Variants in ANKRD36B observed in about 807,000 individuals in gnomAD.
ANKRD36B encodes ankyrin repeat domain-containing protein 36B.
ANKRD36B carries 37 observed loss-of-function variants against 135.7 expected under a neutral mutation model. That is an observed-to-expected ratio of 0.27 (90% CI 0.21 to 0.36). The LOEUF is 0.36. Ranked by LOEUF, ANKRD36B falls within the 10% of genes least tolerant of loss-of-function variation. The pLI, the probability that ANKRD36B is intolerant of heterozygous loss-of-function variation, is 1.00. For missense variants in ANKRD36B, 549 were observed against 1,037.1 expected (o/e 0.53, Z 6.46); for synonymous variants, 179 against 348.1 (o/e 0.51, Z 5.41).
chr2:97,554,930 G>C, intron 14 of ANKRD36B, 130 bp downstream of exon 14: 1 of 1,221,592 alleles, frequency 8.2e-7, no homozygotes, highest in Non-Finnish European at 1.2e-6. Flanking sequence ...ACTTATTACA[G>C]ATGAAGAATC....
intron 20 of ANKRD36B, among the ~76,000 whole-genome samples, chr2:97,549,187 C>T (rs2079789561): frequency 6.6e-6 from 1 of 151,898 alleles, no homozygotes; most frequent in Non-Finnish European, 1.5e-5. Context: ...CATATATCTT[C>T]TTCCCAACTT....
chr2:97,565,889 G>GTA lies in ANKRD36B; in HGVS notation c.764-5031_764-5030dup, dbSNP rs70938522. Among the ~76,000 whole-genome samples the GTA allele has an allele frequency of 6.1e-3, 897 of 146,276 alleles. 24 individuals carry two copies. The highest frequency in any genetic ancestry group is 0.048 in the East Asian group (242 of 4,998). ...GGTGTGTGTGTGTGTGTGTGTGTGT[G>GTA]TATATATATATATGTACAGTGGCTT... On this transcript the variant is annotated intron_variant, in intron 6 of 43. Coordinates refer to ENST00000359901, the MANE Select transcript of ANKRD36B (RefSeq NM_001393939.1).
chr2:97,585,567 G>T (rs3970378), intron 1 of ANKRD36B, among the ~76,000 whole-genome samples, 169 bp from the exon 2 acceptor site: 8 of 152,162 alleles, frequency 5.3e-5, no homozygotes, highest in African/African-American at 1.9e-4. Context: ...AATAGAAAAG[G>T]CTTGGCTTTT....
At chr2:97,550,625 G>C (rs1383369540) in intron 18 of ANKRD36B, among the ~76,000 whole-genome samples, 1 of 151,718 alleles carries the variant, frequency 6.6e-6, no homozygotes, top group Non-Finnish European at 1.5e-5. Flanking sequence ...ATGCCTAATA[G>C]TAACAAAGAG....
At chr2:97,539,977 G>T in intron 30 of ANKRD36B, 57 bp downstream of exon 30, 1 of 775,288 alleles carries the variant, frequency 1.3e-6, no homozygotes, top group South Asian at 1.4e-5. Context: ...ATTTGGGGAA[G>T]AGAAGTTCTT....
intron 6 of ANKRD36B, among the ~76,000 whole-genome samples, chr2:97,571,807 CTAAAAA>C (rs1300967405): frequency 1.3e-4 from 20 of 151,984 alleles, no homozygotes; most frequent in African/African-American, 3.9e-4. Context: ...TCTTATAAAA[CTAAAAA>C]TATCTATAAA....
rs2077636329 is a variant in ANKRD36B, at chr2:97,513,342, T to C, written c.2643A>G (p.Lys881=). 4 of 1,554,902 alleles carry C rather than the reference T, an allele frequency of 2.6e-6. 1 individual carries two copies. In the Admixed American group the frequency reaches 7.2e-5, roughly 28 times the overall value. ...CSLRFAIQQE[K]KKRRNVEELH... ...ACTCTTCAACATTTCTTCTTTTCTT[T>C]TTTTCTTGCTGTATGGCAAATCTGT... Residue 881 remains lysine (K), a synonymous_variant, in exon 38 of 44, where the codon AAA becomes AAG. Coordinates refer to ENST00000359901, the MANE Select transcript of ANKRD36B (RefSeq NM_001393939.1).
At position 97,558,956 on chromosome 2, in the gene ANKRD36B, C is replaced by T; in HGVS notation, c.894+10G>A. On this transcript the variant is annotated intron_variant, in intron 9 of 43. Transcript: ENST00000359901. ...TTAATAGTTCAACATATAAATGAGACTTTAATTACCTTCTCAGCTGGTTGT... is the reference window on the plus strand; with the variant it reads ...TTAATAGTTCAACATATAAATGAGATTTTAATTACCTTCTCAGCTGGTTGT... 1 of 1,604,030 alleles carries T rather than the reference C, an allele frequency of 6.2e-7. No homozygotes were observed. The highest frequency in any genetic ancestry group is 8.5e-7 in the Non-Finnish European group (1 of 1,178,594).
chr2:97,534,771 G>A (rs549958152), intron 34 of ANKRD36B, among the ~76,000 whole-genome samples: 2 of 96,774 alleles, frequency 2.1e-5, no homozygotes, highest in East Asian at 2.3e-4. Flanking sequence ...ACACTATAGA[G>A]TCCTCAAAAA....
intron 3 of ANKRD36B, 87 bp downstream of exon 3, chr2:97,584,857 C>T (rs1251386359): frequency 1.6e-6 from 1 of 621,632 alleles, no homozygotes; most frequent in Admixed American, 3.1e-5. Context: ...TTTGAGCTTC[C>T]AAATATGAAA....
At chr2:97,544,479 C>A (rs1367932467) in intron 24 of ANKRD36B, among the ~76,000 whole-genome samples, 1 of 95,060 alleles carries the variant, frequency 1.1e-5, no homozygotes, top group South Asian at 2.4e-4. Flanking sequence ...GTACACTTCA[C>A]GTCTCTTCAG....
chr2:97,568,689 GT>G (rs554567582), intron 6 of ANKRD36B, among the ~76,000 whole-genome samples: 1 of 152,208 alleles, frequency 6.6e-6, no homozygotes, highest in Admixed American at 6.5e-5. Context: ...GGTATGGCAA[GT>G]TGCCAGGGAG....
At chr2:97,571,268 CA>C (rs1577062125) in intron 6 of ANKRD36B, among the ~76,000 whole-genome samples, 1 of 152,260 alleles carries the variant, frequency 6.6e-6, no homozygotes, top group Admixed American at 6.5e-5. Flanking sequence ...TGCTTGAGAT[CA>C]AAAGTTTGAG....
intron 43 of ANKRD36B, among the ~76,000 whole-genome samples, chr2:97,494,648 C>T (rs1389386822): frequency 9.7e-6 from 1 of 102,586 alleles, no homozygotes; most frequent in Non-Finnish European, 2.8e-5. Context: ...CTCTTTTTGT[C>T]TTTAACTTTG....
At chr2:97,563,319 T>C (rs2081188043) in intron 6 of ANKRD36B, among the ~76,000 whole-genome samples, 1 of 151,718 alleles carries the variant, frequency 6.6e-6, no homozygotes, top group Non-Finnish European at 1.5e-5. Context: ...GCTGAGATCC[T>C]TACTAGATCC....
At chr2:97,527,718 A>G (rs1386478658) in intron 35 of ANKRD36B, among the ~76,000 whole-genome samples, 1 of 96,064 alleles carries the variant, frequency 1.0e-5, no homozygotes, top group Admixed American at 9.2e-5. Context: ...AGATCTACCA[A>G]GCAAATGGAA....
chr2:97,581,081 T>C (rs1001245393), intron 3 of ANKRD36B, among the ~76,000 whole-genome samples: 2 of 132,362 alleles, frequency 1.5e-5, no homozygotes, highest in African/African-American at 6.7e-5. Flanking sequence ...AGAGACTCCA[T>C]GATCACCCAT....
chr2:97,560,678 A>G lies in ANKRD36B; in HGVS notation c.852T>C (p.Pro284=). The change falls in exon 8 of 44, where the codon CCT becomes CCC. Residue 284 remains proline, a synonymous_variant. Coordinates refer to ENST00000359901, the MANE Select transcript of ANKRD36B (RefSeq NM_001393939.1). ...SNIATEIKEG[P]ISGTVSSQKQ... ...TTGCAAAATTACCTGTCCCAGATAT[A>G]GGTCCCTCCTTTATTTCTGTGGCTA... 1 of 1,603,700 alleles carries G rather than the reference A, an allele frequency of 6.2e-7. No individual in the cohort carries two copies. Among genetic ancestry groups the G allele is most frequent in the South Asian group, 1.1e-5 (1 of 90,954 alleles).
chr2:97,527,109 C>T (rs1374565945), intron 35 of ANKRD36B, among the ~76,000 whole-genome samples: 2 of 94,874 alleles, frequency 2.1e-5, no homozygotes, highest in East Asian at 4.7e-4. Context: ...TTGTCAGATT[C>T]ACCAAAGTTG....
Sources: allele counts gnomAD v4.1 joint callset (sites outside exome capture counted in the v4.1 genomes callset), GRCh38; gene constraint gnomAD v4.1.1; transcripts MANE v1.5; gene names NCBI Gene and HGNC (gene_info 2026-07-23, HGNC 2026-07-21).